Variants in GRIA3 observed in about 807,000 individuals in gnomAD.
GRIA3 encodes the protein glutamate receptor 3.
In GRIA3, 3 loss-of-function variants were observed where a neutral mutation model predicts 63.0. The ratio of observed to expected loss-of-function variants is 0.05; its 90% CI spans 0.02 to 0.12. The LOEUF (loss-of-function observed/expected upper bound fraction) is 0.12. Among genes scored for constraint, GRIA3 ranks in the 10% least tolerant of loss-of-function variants. The probability of loss-of-function intolerance (pLI) is 1.00; values close to 1 mark genes in which losing one functional copy is unlikely to be tolerated. For synonymous variants in GRIA3, 274 were observed against 257.9 expected (o/e 1.06, Z -0.60); for missense variants, 347 against 700.9 (o/e 0.50, Z 5.70).
intron 5 of GRIA3, among the ~76,000 whole-genome samples, chrX:123,383,257 AGTATTTATCATTTCT>A (rs1180868784): frequency 8.9e-6 from 1 of 111,981 alleles, no homozygotes; most frequent in Non-Finnish European, 1.9e-5. Context: ...CAACACCTTG[AGTATTTATCATTTCT>A]GTGTGTTCGG....
chrX:123,193,316 G>C (rs750788785), intron 2 of GRIA3, among the ~76,000 whole-genome samples: 3 of 111,442 alleles, frequency 2.7e-5, no homozygotes, highest in South Asian at 7.6e-4. Context: ...CTGCCCAAGA[G>C]AGCGAAGGTT....
chrX:123,185,093 G>A, intron 1 of GRIA3: 2 of 301,608 alleles, frequency 6.6e-6, no homozygotes, highest in South Asian at 6.0e-5. Context: ...TCAGTCCGTG[G>A]TCTCCGGCTG....
At chrX:123,418,479 G>C (rs2045547573) in intron 11 of GRIA3, among the ~76,000 whole-genome samples, 1 of 111,590 alleles carries the variant, frequency 9.0e-6, no homozygotes, top group Non-Finnish European at 1.9e-5. Context: ...AAACCCGACT[G>C]GGAGAAAACA....
In GRIA3 at chrX:123,326,006, G is replaced by A; in HGVS notation, c.509-20G>A. On this transcript the variant is annotated intron_variant, in intron 3 of 15. Transcript: ENST00000620443. Reference sequence around the variant, plus strand: ...ACAGAAAGATTTTTAAATCATTGAAGCTGTTTTTCCTTCCTTCAGGATTTT... The same window carrying A: ...ACAGAAAGATTTTTAAATCATTGAAACTGTTTTTCCTTCCTTCAGGATTTT... The A allele has an allele frequency of 8.5e-7, 1 of 1,176,479 alleles. No individual in the cohort carries two copies.
At chrX:123,368,398 C>T (rs932839037) in intron 5 of GRIA3, among the ~76,000 whole-genome samples, 1 of 111,230 alleles carries the variant, frequency 9.0e-6, no homozygotes, top group Non-Finnish European at 1.9e-5. Flanking sequence ...CCTTAAAACC[C>T]CATCTCTTTC....
chrX:123,380,863 C>T (rs113197496), intron 5 of GRIA3, among the ~76,000 whole-genome samples: 3,064 of 111,401 alleles, frequency 0.028, 75 homozygotes, highest in African/African-American at 0.067. Flanking sequence ...TTTCTACATA[C>T]GGCTGGCCAG....
At chrX:123,234,733 TAAA>T (rs2044293495) in intron 2 of GRIA3, among the ~76,000 whole-genome samples, 2 of 111,945 alleles carry the variant, frequency 1.8e-5, no homozygotes, top group African/African-American at 6.5e-5. Context: ...GGAGATATAA[TAAA>T]ATAATAACTC....
intron 7 of GRIA3, among the ~76,000 whole-genome samples, chrX:123,402,676 G>A (rs971225347): frequency 4.5e-5 from 5 of 111,142 alleles, no homozygotes; most frequent in African/African-American, 1.6e-4. Flanking sequence ...CTAGTTAAGG[G>A]GGTAGCCTGC....
At chrX:123,213,710 G>A (rs776793371) in intron 2 of GRIA3, among the ~76,000 whole-genome samples, 12 of 112,280 alleles carry the variant, frequency 1.1e-4, no homozygotes, top group Non-Finnish European at 1.9e-4. Flanking sequence ...ATGGAACACA[G>A]GGTTACAGCA....
intron 2 of GRIA3, among the ~76,000 whole-genome samples, chrX:123,243,877 G>A (rs758511089): frequency 9.0e-6 from 1 of 111,418 alleles, no homozygotes; most frequent in Non-Finnish European, 1.9e-5. Context: ...ATATTATCTC[G>A]ATATAAAAGG....
intron 1 of GRIA3, chrX:123,184,960 G>A: frequency 4.9e-6 from 2 of 405,219 alleles, no homozygotes; most frequent in Middle Eastern, 3.8e-4. Context: ...GGGGTGAAGA[G>A]TCGAGGCTTT....
At chrX:123,291,500 A>G (rs774822082) in intron 3 of GRIA3, among the ~76,000 whole-genome samples, 84 of 110,951 alleles carry the variant, frequency 7.6e-4, no homozygotes, top group Non-Finnish European at 1.2e-3. Flanking sequence ...TCATACCCCA[A>G]GCTTCAGCAT....
intron 4 of GRIA3, among the ~76,000 whole-genome samples, chrX:123,349,005 C>T (rs2045073819): frequency 8.9e-6 from 1 of 112,024 alleles, no homozygotes; most frequent in African/African-American, 3.2e-5. Flanking sequence ...TTTTCAGTGA[C>T]ACCTAGATGA....
intron 2 of GRIA3, among the ~76,000 whole-genome samples, chrX:123,209,893 A>G (rs1003418629): frequency 1.0e-4 from 11 of 110,307 alleles, no homozygotes; most frequent in African/African-American, 3.0e-4. Flanking sequence ...TTGCCTCTGA[A>G]CATACTGTTA....
intron 2 of GRIA3, among the ~76,000 whole-genome samples, chrX:123,232,854 C>A (rs1406425100): frequency 9.0e-6 from 1 of 110,950 alleles, no homozygotes; most frequent in African/African-American, 3.3e-5. Context: ...AGTCCTTTGG[C>A]ATGGGTTCTA....
intron 12 of GRIA3, among the ~76,000 whole-genome samples, chrX:123,452,691 A>C (rs1157193011): frequency 1.8e-5 from 2 of 111,942 alleles, no homozygotes; most frequent in African/African-American, 6.5e-5. Flanking sequence ...ATTTAATCCA[A>C]TTGGTCAATG....
rs1020928069 is a variant in GRIA3 at position 123,378,868 on chromosome X, C to A, written c.751-16100C>A. On this transcript the variant is annotated intron_variant, in intron 5 of 15. Coordinates refer to ENST00000620443, the MANE Select transcript of GRIA3 (RefSeq NM_007325.5). ...GAACTTGTATCCCAACTTTTAATTT[C>A]TATAACTGCCTGTCACCTTTCTTTT... Among the ~76,000 whole-genome samples the A allele has an allele frequency of 2.7e-5, 3 of 111,709 alleles. No individual in the cohort carries two copies. The Admixed American group carries it at 2.9e-4, about 11-fold the overall frequency.
At chrX:123,310,802 A>G (rs930052826) in intron 3 of GRIA3, among the ~76,000 whole-genome samples, 1 of 112,034 alleles carries the variant, frequency 8.9e-6, no homozygotes, top group African/African-American at 3.2e-5. Flanking sequence ...CAGGGGTTCA[A>G]GACCAGTCTG....
At chrX:123,299,363 T>C (rs1481180823) in intron 3 of GRIA3, among the ~76,000 whole-genome samples, 4 of 111,955 alleles carry the variant, frequency 3.6e-5, no homozygotes, top group Non-Finnish European at 7.5e-5. Flanking sequence ...TCCATGAGTA[T>C]GGAATGTTTT....
Sources: allele counts gnomAD v4.1 joint callset (sites outside exome capture counted in the v4.1 genomes callset), GRCh38; gene constraint gnomAD v4.1.1; transcripts MANE v1.5; gene names NCBI Gene and HGNC (gene_info 2026-07-23, HGNC 2026-07-21).